The following EIF3I variants were observed in gnomAD, a reference collection of about 807,000 sequenced individuals.
EIF3I encodes the protein TGF-beta receptor-interacting protein 1.
Under a neutral mutation model 43.3 loss-of-function variants are expected in EIF3I, and 20 were observed. The ratio of observed to expected loss-of-function variants is 0.46; its 90% CI spans 0.32 to 0.67. The LOEUF is 0.67. Ranked by LOEUF, EIF3I falls within the 30% of genes least tolerant of loss-of-function variation. The probability of loss-of-function intolerance (pLI) is 0.03; values close to 1 mark genes in which losing one functional copy is unlikely to be tolerated. For synonymous variants in EIF3I, 167 were observed against 151.7 expected (o/e 1.10, Z -0.74); for missense variants, 279 against 421.4 (o/e 0.66, Z 2.96).
At chr1:32,224,664 T>C (rs1394101546) in intron 4 of EIF3I, among the ~76,000 whole-genome samples, 189 bp downstream of exon 4, 2 of 151,472 alleles carry the variant, frequency 1.3e-5, no homozygotes, top group African/African-American at 4.9e-5. Context: ...TTTTCTTTTT[T>C]TTTTTTTTTT....
At chr1:32,230,501 C>T (rs1048903560) in intron 10 of EIF3I, among the ~76,000 whole-genome samples, 3 of 151,860 alleles carry the variant, frequency 2.0e-5, no homozygotes, top group South Asian at 2.1e-4. Context: ...GGATTACAGG[C>T]GTGAGCCACT....
downstream of EIF3I, among the ~76,000 whole-genome samples, chr1:32,233,469 T>A (rs544290492): frequency 6.6e-6 from 1 of 152,210 alleles, no homozygotes; most frequent in South Asian, 2.1e-4. Context: ...TTTTGTATTT[T>A]TAGTAGAGAT....
chr1:32,230,634 G>A (rs1216019627), intron 10 of EIF3I, among the ~76,000 whole-genome samples: 5 of 151,894 alleles, frequency 3.3e-5, no homozygotes, highest in Non-Finnish European at 7.4e-5. Context: ...CCAGGAGTTC[G>A]TAACCAGCCT....
chr1:32,233,346 G>A (rs1048951822), downstream of EIF3I, among the ~76,000 whole-genome samples: 1 of 152,126 alleles, frequency 6.6e-6, no homozygotes. Flanking sequence ...AGTAGGCAGG[G>A]GGTTTCACCA....
chr1:32,226,237 A>G (rs1321672735), exon 5 of EIF3I: 1 of 1,614,106 alleles, frequency 6.2e-7, no homozygotes, highest in South Asian at 1.1e-5. Context: ...TTTGGGGGCA[A>G]CATCATCATG....
chr1:32,229,149 T>C, exon 9 of EIF3I: 1 of 1,614,064 alleles, frequency 6.2e-7, no homozygotes, highest in Non-Finnish European at 8.5e-7. Context: ...TCCTGGGCGG[T>C]GGTCAGGAAG....
intron 6 of EIF3I, 84 bp from the exon 7 acceptor site, chr1:32,228,415 C>T: frequency 8.7e-7 from 1 of 1,143,022 alleles, no homozygotes; most frequent in Non-Finnish European, 1.3e-6. Flanking sequence ...GCTGTCTCAG[C>T]TTTCATTTGG....
chr1:32,230,915 C>G lies in EIF3I; in HGVS notation c.915-12C>G, dbSNP rs1205349312. ...GATAGAAAGTGAATTAATTGTGTCC[C>G]TTTTCCTCCAGGTTCTTCCATTTGG... On this transcript the variant is annotated splice_polypyrimidine_tract_variant and intron_variant, in intron 10 of 11. Transcript: ENST00000676679. The G allele has an allele frequency of 1.9e-6, 3 of 1,586,262 alleles. No homozygotes were observed. The East Asian group carries it at 6.7e-5, about 36-fold the overall frequency.
downstream of EIF3I, among the ~76,000 whole-genome samples, chr1:32,232,927 G>A (rs1394209274): frequency 6.6e-6 from 1 of 152,148 alleles, no homozygotes; most frequent in Non-Finnish European, 1.5e-5. Flanking sequence ...GCTGGCATCT[G>A]GGACTGATAG....
chr1:32,227,757 A>T (rs1569860875), intron 6 of EIF3I, among the ~76,000 whole-genome samples: 1 of 152,204 alleles, frequency 6.6e-6, no homozygotes, highest in Non-Finnish European at 1.5e-5. Context: ...CCTGGGTGAT[A>T]GAACAAGACC....
At chr1:32,232,210 C>A (rs1639248143), downstream of EIF3I, 1 of 152,214 alleles carries the variant, frequency 6.6e-6, no homozygotes, top group South Asian at 2.1e-4. Flanking sequence ...GAGTGAGTTT[C>A]CAGCCCCAGG....
At chr1:32,235,147 T>C (rs1639282710), downstream of EIF3I, 1 of 152,552 alleles carries the variant, frequency 6.6e-6, no homozygotes, top group African/African-American at 2.4e-5. Context: ...CTTTTCCAGC[T>C]CAAGCCCTTG....
At position 32,224,135 on chromosome 1, in the gene EIF3I, G is replaced by T. The variant is rs1639097516; in HGVS notation, c.184+14G>T. 6 of 1,613,688 alleles carry T rather than the reference G, an allele frequency of 3.7e-6. No individual in the cohort carries two copies. The highest frequency in any genetic ancestry group is 3.3e-5 in the Admixed American group (2 of 60,000). On this transcript the variant is annotated intron_variant, in intron 3 of 11. Coordinates refer to ENST00000676679, the Ensembl canonical transcript of EIF3I. ...TGGACGCTGACTGTATCCTTATTTT[G>T]GGTCTGAGTCCGTGTTGCTAGGGTC... is the stretch of plus-strand genomic sequence containing the variant.
At chr1:32,231,159 T>C (rs1424596855) in exon 12 of EIF3I, 5 of 1,614,052 alleles carry the variant, frequency 3.1e-6, no homozygotes, top group Admixed American at 1.7e-5. Context: ...ATCCATTACT[T>C]CGACCCACAG....
chr1:32,229,089 G>T, intron 8 of EIF3I, 46 bp from the exon 9 acceptor site: 1 of 1,577,118 alleles, frequency 6.3e-7, no homozygotes, highest in Non-Finnish European at 8.6e-7. Context: ...ACACAAAATG[G>T]ACTTGGTGTC....
intron 3 of EIF3I, 106 bp from the exon 4 acceptor site, chr1:32,224,303 GA>G: frequency 8.8e-7 from 1 of 1,130,576 alleles, no homozygotes; most frequent in East Asian, 2.4e-5. Context: ...AAGGAGGTAA[GA>G]GGGGTAGAAA....
At chr1:32,222,411 A>T (rs371644805) in exon 1 of EIF3I, 6 of 1,587,068 alleles carry the variant, frequency 3.8e-6, no homozygotes, top group East Asian at 2.3e-5. Context: ...GGTCTTACTC[A>T]CGTTGCGGCC....
At chr1:32,222,778 A>G (rs1639043288) in intron 2 of EIF3I, 148 bp downstream of exon 2, 1 of 781,840 alleles carries the variant, frequency 1.3e-6, no homozygotes, top group East Asian at 2.7e-5. Flanking sequence ...AGGTTGGCGA[A>G]AGTATTCTAC....
rs771536367 is a variant in EIF3I at position 32,231,142 on chromosome 1, C to T, written c.1035C>T (p.Tyr345=). 19 of 1,613,952 alleles carry T rather than the reference C, an allele frequency of 1.2e-5. No homozygotes were observed. In the East Asian group the frequency reaches 2.0e-4, roughly 17 times the overall value. ...ACAGCAGCGGCGGCGAAGATGGTTACGTCCGTATCCATTACTTCGACCCAC... is the reference window on the plus strand; with the variant it reads ...ACAGCAGCGGCGGCGAAGATGGTTATGTCCGTATCCATTACTTCGACCCAC... Residue 345 remains tyrosine (Y), a synonymous_variant, in exon 12 of 12, where the codon TAC becomes TAT. Coordinates refer to ENST00000676679, the Ensembl canonical transcript of EIF3I.
Sources: allele counts gnomAD v4.1 joint callset (sites outside exome capture counted in the v4.1 genomes callset), GRCh38; gene constraint gnomAD v4.1.1; transcripts MANE v1.5; gene names NCBI Gene and HGNC (gene_info 2026-07-23, HGNC 2026-07-21).